Variants in CTPS2 observed in about 807,000 individuals in gnomAD.
CTPS2 encodes the protein CTP synthase II.
CTPS2 carries 19 observed loss-of-function variants against 46.8 expected under a neutral mutation model. The ratio of observed to expected loss-of-function variants is 0.41; its 90% confidence interval spans 0.28 to 0.60. The LOEUF is 0.60. Ranked by LOEUF, CTPS2 falls within the 20% of genes least tolerant of loss-of-function variation. The probability of loss-of-function intolerance (pLI) is 0.35; values close to 1 mark genes in which losing one functional copy is unlikely to be tolerated. For synonymous variants in CTPS2, 151 were observed against 165.2 expected, an observed-to-expected ratio of 0.91 and a Z score of 0.66; for missense variants, 286 against 447.6, an observed-to-expected ratio of 0.64 and a Z score of 3.26.
rs768343859 is a variant in CTPS2, at chrX:16,707,620, G to C, written c.-39-4679C>G. Among the ~76,000 whole-genome samples the C allele has an allele frequency of 2.7e-4, 30 of 111,593 alleles. No homozygotes were observed. The East Asian group carries it at 8.5e-3, about 31-fold the overall frequency. ...GCCCAGGAGGTCAAGGCTGCAGTTA[G>C]CCAAGTGATTGTGCCACTGCACTCC... is the stretch of plus-strand genomic sequence containing the variant. On this transcript the variant is annotated intron_variant, in intron 1 of 18. Coordinates refer to ENST00000359276, the MANE Select transcript of CTPS2 (RefSeq NM_175859.3).
chrX:16,709,837 G>C (rs1310027593), intron 1 of CTPS2, among the ~76,000 whole-genome samples: 1 of 66,205 alleles, frequency 1.5e-5, no homozygotes, highest in Non-Finnish European at 2.5e-5. Context: ...GACAGAGTGA[G>C]ACTCTGTCTC....
At chrX:16,682,954 T>C in intron 9 of CTPS2, 140 bp downstream of exon 9, 1 of 619,457 alleles carries the variant, frequency 1.6e-6, no homozygotes, top group South Asian at 2.8e-5. Context: ...TATAACTATA[T>C]GATGAGTCCT....
intron 11 of CTPS2, 53 bp downstream of exon 11, chrX:16,670,527 G>C: frequency 1.1e-6 from 1 of 944,259 alleles, no homozygotes; most frequent in Non-Finnish European, 1.5e-6. Context: ...ACCCCTCCTA[G>C]GTGTCAAAAA....
intron 13 of CTPS2, among the ~76,000 whole-genome samples, chrX:16,644,197 T>C (rs1216880405): frequency 9.1e-6 from 1 of 109,753 alleles, no homozygotes; most frequent in Non-Finnish European, 1.9e-5. Context: ...TGCAGTGGCA[T>C]GATCATAGCT....
At position 16,689,444 on chromosome X, in the gene CTPS2, G is replaced by A. The variant is rs373562011; in HGVS notation, c.872+6C>T. The A allele has an allele frequency of 7.5e-6, 9 of 1,204,806 alleles. No homozygotes were observed. The highest frequency in any genetic ancestry group is 9.0e-6 in the Non-Finnish European group (8 of 892,342). ...AAAGATTATACAAGTAATTCCTTTC[G>A]CTTACCTGTCAGCCATATTTCTCCA... On this transcript the variant is annotated splice_donor_region_variant and intron_variant, in intron 8 of 18. Coordinates refer to ENST00000359276, the MANE Select transcript of CTPS2 (RefSeq NM_175859.3).
intron 1 of CTPS2, among the ~76,000 whole-genome samples, chrX:16,706,043 G>A (rs1241765707): frequency 1.8e-5 from 2 of 108,375 alleles, no homozygotes; most frequent in African/African-American, 3.4e-5. Flanking sequence ...GGAAGTTGCA[G>A]TGAGCCGAGA....
intron 2 of CTPS2, among the ~76,000 whole-genome samples, chrX:16,701,841 C>T (rs910824174): frequency 3.6e-5 from 4 of 109,866 alleles, no homozygotes; most frequent in Admixed American, 9.8e-5. Flanking sequence ...CCTCGTGATC[C>T]GCCCGCCTCA....
intron 16 of CTPS2, among the ~76,000 whole-genome samples, chrX:16,611,633 G>T (rs191401839): frequency 7.2e-4 from 80 of 110,724 alleles, no homozygotes; most frequent in African/African-American, 2.5e-3. Flanking sequence ...AAAGTTACAT[G>T]TGGCTAGTGG....
At chrX:16,593,189 G>C (rs1446578446) in intron 17 of CTPS2, among the ~76,000 whole-genome samples, 1 of 111,670 alleles carries the variant, frequency 9.0e-6, no homozygotes, top group Non-Finnish European at 1.9e-5. Flanking sequence ...CAGCACGTTG[G>C]GAGGCCAAGG....
intron 17 of CTPS2, among the ~76,000 whole-genome samples, chrX:16,596,004 G>A (rs1382878605): frequency 2.7e-5 from 3 of 111,167 alleles, no homozygotes; most frequent in Non-Finnish European, 5.7e-5. Context: ...GAGTAGCTGG[G>A]ACTACAGGCA....
In CTPS2 at chrX:16,631,934, C is replaced by T. The variant is rs766352215; in HGVS notation, c.1393+7213G>A. 2.6e-4 allele frequency among the ~76,000 whole-genome samples: 29 copies of T among 111,670 alleles called. 1 individual carries two copies. Among genetic ancestry groups the T allele is most frequent in the Admixed American group, 1.8e-3 (19 of 10,469 alleles). ...CTATTAACTTAGTTCCTCAGTGTTC[C>T]CCTGGCTCCCCTCTCACCTGAGCCT... On this transcript the variant is annotated intron_variant, in intron 14 of 18. Coordinates refer to ENST00000359276, the MANE Select transcript of CTPS2 (RefSeq NM_175859.3).
At chrX:16,692,404 T>C (rs1923777119) in intron 6 of CTPS2, among the ~76,000 whole-genome samples, 1 of 109,734 alleles carries the variant, frequency 9.1e-6, no homozygotes, top group Admixed American at 9.8e-5. Context: ...GAGGCAGAGG[T>C]TGCAGTGAGC....
chrX:16,666,568 G>A (rs1921206414), intron 13 of CTPS2, among the ~76,000 whole-genome samples: 1 of 111,251 alleles, frequency 9.0e-6, no homozygotes, highest in Non-Finnish European at 1.9e-5. Flanking sequence ...AAGATTGTTT[G>A]ACCCCGGGAG....
rs1925534746 is a variant in CTPS2 at position 16,712,437 on chromosome X, T to G, written c.-142A>C. On this transcript the variant is annotated 5_prime_UTR_variant, in exon 1 of 19. Transcript: ENST00000359276. Reference sequence around the variant, plus strand: ...CCTGTCGGGCTGGGGAAGGGGTCGCTGCCGGGGCTGTCCAAAGCCGCCCCC... The same window carrying G: ...CCTGTCGGGCTGGGGAAGGGGTCGCGGCCGGGGCTGTCCAAAGCCGCCCCC... 1 of 112,280 alleles carries G rather than the reference T, an allele frequency of 8.9e-6. No homozygotes were observed. Among genetic ancestry groups the G allele is most frequent in the South Asian group, 3.6e-4 (1 of 2,779 alleles). The allele number at this position is 112,280 out of a possible 1,213,427, so 9.3% of individuals were successfully genotyped here.
intron 17 of CTPS2, among the ~76,000 whole-genome samples, chrX:16,601,294 C>T (rs747293837): frequency 8.1e-5 from 9 of 111,117 alleles, no homozygotes; most frequent in Non-Finnish European, 1.5e-4. Context: ...GAGTGAAATG[C>T]ACCCTCTGTG....
chrX:16,639,767 A>G (rs1039735520), intron 13 of CTPS2, among the ~76,000 whole-genome samples: 1 of 85,855 alleles, frequency 1.2e-5, no homozygotes, highest in Non-Finnish European at 2.4e-5. Flanking sequence ...AAGGAAAAGA[A>G]AAGGAAAAGA....
At chrX:16,699,610 G>A (rs1924395803) in intron 2 of CTPS2, among the ~76,000 whole-genome samples, 1 of 112,583 alleles carries the variant, frequency 8.9e-6, no homozygotes, top group Admixed American at 9.5e-5. Flanking sequence ...AAAGACAGGT[G>A]CAGACTTCGT....
At chrX:16,689,928 T>C (rs1442647611) in intron 7 of CTPS2, among the ~76,000 whole-genome samples, 1 of 109,824 alleles carries the variant, frequency 9.1e-6, no homozygotes, top group Non-Finnish European at 1.9e-5. Context: ...GACATGTGCC[T>C]ATAATCCCAG....
chrX:16,664,122 C>T (rs1366689414), intron 13 of CTPS2, among the ~76,000 whole-genome samples: 1 of 112,339 alleles, frequency 8.9e-6, no homozygotes, highest in Non-Finnish European at 1.9e-5. Context: ...AGGCATGAGC[C>T]ACTGCGCCCG....
Sources: allele counts gnomAD v4.1 joint callset (sites outside exome capture counted in the v4.1 genomes callset), GRCh38; gene constraint gnomAD v4.1.1; transcripts MANE v1.5; gene names NCBI Gene and HGNC (gene_info 2026-07-23, HGNC 2026-07-21).